LPXN: variants seen among roughly 807,000 people sequenced by gnomAD.
The protein encoded by LPXN is leupaxin.
Under a neutral mutation model 45.6 loss-of-function variants are expected in LPXN, and 28 were observed. The observed-to-expected ratio is 0.61, with a 90% CI of 0.45 to 0.84. The LOEUF (loss-of-function observed/expected upper bound fraction) is 0.84. LPXN is among the 40% of genes least tolerant of loss of function. The pLI is 0.00. For synonymous variants in LPXN, 166 were observed against 169.9 expected, an observed-to-expected ratio of 0.98 and a Z score of 0.18; for missense variants, 459 against 475.0, an observed-to-expected ratio of 0.97 and a Z score of 0.31.
At chr11:58,536,053 A>G (rs914097261) in intron 7 of LPXN, among the ~76,000 whole-genome samples, 1 of 152,254 alleles carries the variant, frequency 6.6e-6, no homozygotes, top group Admixed American at 6.5e-5. Flanking sequence ...CTGGATAGGA[A>G]GAACCAATAT....
rs571578344 is a variant in LPXN at position 58,550,221 on chromosome 11, G to A, written c.487-75C>T. 817 of 1,388,938 alleles carry A rather than the reference G, an allele frequency of 5.9e-4. 2 individuals are homozygous for A. The highest frequency in any genetic ancestry group is 5.0e-4 in the Non-Finnish European group (495 of 981,162). 86.0% of individuals were successfully genotyped at this position (1,388,938 alleles called of 1,614,324 possible). On this transcript the variant is annotated intron_variant, in intron 5 of 8. Coordinates refer to ENST00000395074, the MANE Select transcript of LPXN (RefSeq NM_004811.3). ...AGCCTACAGGTTGCACAACTCTAGG[G>A]AGCACTCTTCACATTGTACCCCTTG... is the stretch of plus-strand genomic sequence containing the variant.
intron 1 of LPXN, among the ~76,000 whole-genome samples, chr11:58,571,421 A>G (rs1854695511): frequency 6.6e-6 from 1 of 152,040 alleles, no homozygotes; most frequent in South Asian, 2.1e-4. Flanking sequence ...AGAAGCAATT[A>G]TATTACCATT....
In LPXN at chr11:58,551,768, C is replaced by G. The variant is rs375438292; in HGVS notation, c.319-536G>C. On this transcript the variant is annotated intron_variant, in intron 4 of 8. Transcript: ENST00000395074. ...ATAGAAAGAGATAGAAGGGACACAG[C>G]AAGATGGTAAGAAGAATTGATTTAG... Among the ~76,000 whole-genome samples, 85 of 152,148 alleles carry G rather than the reference C, an allele frequency of 5.6e-4. 2 individuals are homozygous for G. In the South Asian group the frequency reaches 0.018, roughly 32 times the overall value.
At chr11:58,576,615 G>A (rs1218198477), upstream of LPXN, among the ~76,000 whole-genome samples, 1 of 152,154 alleles carries the variant, frequency 6.6e-6, no homozygotes, top group Non-Finnish European at 1.5e-5. Flanking sequence ...AAAGCAATAC[G>A]TAAGGAACTA....
intron 1 of LPXN, among the ~76,000 whole-genome samples, chr11:58,574,140 G>A (rs954630337): frequency 2.0e-5 from 3 of 152,218 alleles, no homozygotes; most frequent in East Asian, 3.8e-4. Flanking sequence ...ACAGCCTGTG[G>A]AGACGTAGCC....
chr11:58,542,329 G>A (rs185907336), intron 7 of LPXN, among the ~76,000 whole-genome samples: 209 of 151,930 alleles, frequency 1.4e-3, no homozygotes, highest in Non-Finnish European at 2.6e-3. Flanking sequence ...TAAAAACAGT[G>A]TTAAATAAAT....
chr11:58,574,489 T>C (rs1272361441), intron 1 of LPXN, among the ~76,000 whole-genome samples: 1 of 152,134 alleles, frequency 6.6e-6, no homozygotes, highest in Non-Finnish European at 1.5e-5. Context: ...AAATGTCTAG[T>C]TTTTGCTTGA....
intron 7 of LPXN, among the ~76,000 whole-genome samples, chr11:58,549,267 G>C (rs1853967012): frequency 6.6e-6 from 1 of 152,074 alleles, no homozygotes; most frequent in African/African-American, 2.4e-5. Flanking sequence ...GGTGGCAAGT[G>C]CCTGTAGTCC....
chr11:58,575,830 G>A lies in LPXN; in HGVS notation c.-58C>T, dbSNP rs1218267304. ...GCCGTGAGGAACAGCTTTGGCATGT[G>A]CTGAAGAAGAGGACCGCAAAGGAAC... On this transcript the variant is annotated 5_prime_UTR_variant, in exon 1 of 9. Coordinates refer to ENST00000395074, the MANE Select transcript of LPXN (RefSeq NM_004811.3). The A allele has an allele frequency of 1.9e-6, 3 of 1,613,998 alleles. No homozygotes were observed. Among genetic ancestry groups the A allele is most frequent in the Non-Finnish European group, 2.5e-6 (3 of 1,179,984 alleles).
intron 2 of LPXN, among the ~76,000 whole-genome samples, chr11:58,569,751 G>C (rs953939478): frequency 2.8e-4 from 43 of 152,194 alleles, no homozygotes; most frequent in African/African-American, 1.0e-3. Flanking sequence ...TGGTTCCCTA[G>C]AGCTTCATCA....
chr11:58,528,261 A>T, intron 7 of LPXN, 70 bp from the exon 8 acceptor site: 1 of 1,418,668 alleles, frequency 7.0e-7, no homozygotes, highest in South Asian at 1.2e-5. Context: ...GACTGAGAGG[A>T]GGCCCTTTCA....
intron 1 of LPXN, among the ~76,000 whole-genome samples, chr11:58,572,038 G>C (rs1462309123): frequency 1.3e-5 from 2 of 152,110 alleles, no homozygotes; most frequent in Non-Finnish European, 2.9e-5. Context: ...AAGGCAATTT[G>C]ATTAGAACAG....
rs530982458 is a variant in LPXN, at chr11:58,559,954, C to T, written c.218+4201G>A. ...GTACATAAGTATGAATATGCACACA[C>T]ATAAGTCTGTAAGGAGAAGAACCTG... On this transcript the variant is annotated intron_variant, in intron 3 of 8. Transcript: ENST00000395074. 2.8e-4 allele frequency among the ~76,000 whole-genome samples: 42 copies of T among 152,218 alleles called. No individual in the cohort carries two copies. The South Asian group carries it at 8.1e-3, about 29-fold the overall frequency.
rs1281774806 is a variant in LPXN at position 58,570,539 on chromosome 11, A to C, written c.171+17T>G. The C allele has an allele frequency of 1.9e-6, 3 of 1,599,518 alleles. No individual in the cohort carries two copies. Among genetic ancestry groups the C allele is most frequent in the Admixed American group, 1.7e-5 (1 of 59,502 alleles). On this transcript the variant is annotated intron_variant, in intron 2 of 8. Transcript: ENST00000395074. ...TCAAACATCCATGTTTAAGGACTAT[A>C]ATAAATGAAAATTTACCGGCAAGGG... is the stretch of plus-strand genomic sequence containing the variant.
chr11:58,569,179 G>C (rs1854606263), intron 2 of LPXN, among the ~76,000 whole-genome samples: 1 of 152,142 alleles, frequency 6.6e-6, no homozygotes, highest in Non-Finnish European at 1.5e-5. Flanking sequence ...GAACAATGAT[G>C]AATCAAAATA....
At chr11:58,555,672 C>T (rs939870995) in intron 3 of LPXN, among the ~76,000 whole-genome samples, 4 of 151,930 alleles carry the variant, frequency 2.6e-5, no homozygotes, top group Admixed American at 2.0e-4. Flanking sequence ...AAACAAAGCA[C>T]TTCTAAATAA....
At chr11:58,553,007 T>G (rs1369388660) in intron 4 of LPXN, among the ~76,000 whole-genome samples, 2 of 152,160 alleles carry the variant, frequency 1.3e-5, no homozygotes, top group Non-Finnish European at 2.9e-5. Flanking sequence ...TTTGCACTTT[T>G]GATTTGTGTA....
chr11:58,575,915 A>T, upstream of LPXN: 1 of 1,502,912 alleles, frequency 6.7e-7, no homozygotes. Context: ...TTTGCTTAGC[A>T]CTTCCTCTCT....
intron 1 of LPXN, among the ~76,000 whole-genome samples, chr11:58,574,028 G>A (rs559679182): frequency 4.8e-5 from 7 of 144,752 alleles, no homozygotes; most frequent in African/African-American, 7.8e-5. Flanking sequence ...ACCTGTCCTC[G>A]ATGCCATTTC....
Sources: allele counts gnomAD v4.1 joint callset (sites outside exome capture counted in the v4.1 genomes callset), GRCh38; gene constraint gnomAD v4.1.1; transcripts MANE v1.5; gene names NCBI Gene and HGNC (gene_info 2026-07-23, HGNC 2026-07-21).